The following TTC6 variants were observed in gnomAD, a reference collection of about 807,000 sequenced individuals.
TTC6 encodes tetratricopeptide repeat protein 6.
Under a neutral mutation model 210.4 loss-of-function variants are expected in TTC6, and 172 were observed. The ratio of observed to expected loss-of-function variants is 0.82; its 90% confidence interval spans 0.72 to 0.93. TTC6 has a LOEUF of 0.93. Among genes scored for constraint, TTC6 ranks in the 40% least tolerant of loss-of-function variants. The probability of loss-of-function intolerance (pLI) is 0.00; values close to 1 mark genes in which losing one functional copy is unlikely to be tolerated. For missense variants in TTC6, 2,414 were observed against 2,318.1 expected, an observed-to-expected ratio of 1.04 and a Z score of -0.85; for synonymous variants, 804 against 819.6, an observed-to-expected ratio of 0.98 and a Z score of 0.32.
At chr14:37,688,588 GGAGAGAGAGAGA>G (rs142772632) in intron 3 of TTC6, among the ~76,000 whole-genome samples, 2 of 151,064 alleles carry the variant, frequency 1.3e-5, no homozygotes, top group Non-Finnish European at 3.0e-5. Context: ...TTGGCTCAGG[GGAGAGAGAGAGA>G]GAGAGAAAGA....
chr14:37,640,017 ATACC>A (rs2095688806), intron 1 of TTC6, among the ~76,000 whole-genome samples: 2 of 151,796 alleles, frequency 1.3e-5, no homozygotes, highest in South Asian at 4.1e-4. Flanking sequence ...CTTAAGGAAA[ATACC>A]TATTTCTTTA....
At chr14:37,787,889 CTG>C (rs3062823) in intron 15 of TTC6, among the ~76,000 whole-genome samples, 53,526 of 147,100 alleles carry the variant, frequency 0.36, 9,568 homozygotes, top group East Asian at 0.45. Flanking sequence ...GTGTGTGTGT[CTG>C]TGTGTGTGTG....
chr14:37,780,580 T>C (rs1450028231), intron 14 of TTC6, among the ~76,000 whole-genome samples: 1 of 152,200 alleles, frequency 6.6e-6, no homozygotes, highest in African/African-American at 2.4e-5. Context: ...AGACATGTTC[T>C]CATTTTCTTT....
intron 1 of TTC6, among the ~76,000 whole-genome samples, chr14:37,599,496 A>G (rs1260419594): frequency 1.3e-5 from 2 of 152,136 alleles, no homozygotes; most frequent in African/African-American, 4.8e-5. Context: ...TATTGAAGCA[A>G]ACAAACAAAA....
At chr14:37,677,175 A>G (rs1291917079) in intron 1 of TTC6, among the ~76,000 whole-genome samples, 3 of 152,016 alleles carry the variant, frequency 2.0e-5, no homozygotes, top group Non-Finnish European at 2.9e-5. Context: ...AACAATATTA[A>G]GTCTTTTAAT....
chr14:37,691,499 G>T (rs992722886), intron 3 of TTC6, among the ~76,000 whole-genome samples: 9 of 152,088 alleles, frequency 5.9e-5, no homozygotes, highest in African/African-American at 1.9e-4. Flanking sequence ...TGAAACAAAT[G>T]ATAATGGAAA....
intron 1 of TTC6, among the ~76,000 whole-genome samples, chr14:37,649,198 G>T (rs561646218): frequency 1.4e-4 from 21 of 152,168 alleles, no homozygotes; most frequent in Admixed American, 1.0e-3. Flanking sequence ...CTGTTCTCAG[G>T]CTAGTCTGGG....
chr14:37,655,614 C>T (rs541002856), intron 1 of TTC6, among the ~76,000 whole-genome samples: 47 of 152,138 alleles, frequency 3.1e-4, no homozygotes, highest in Admixed American at 2.4e-3. Flanking sequence ...CCTAACAGCT[C>T]CTCCCAGGCT....
Position 37,806,064 on chromosome 14 carries a change from A to G in TTC6, c.4165-297A>G, listed in dbSNP as rs553204141. ...ATGAAAAATAAATGTGCTGGTTGTG[A>G]TTTCTTTGAAGCAATGAAATCTGAA... On this transcript the variant is annotated intron_variant, in intron 21 of 30. Coordinates refer to ENST00000553443, the Ensembl canonical transcript of TTC6. 5.3e-5 allele frequency among the ~76,000 whole-genome samples: 8 copies of G among 152,278 alleles called. No individual in the cohort carries two copies. The East Asian group carries it at 1.5e-3, about 29-fold the overall frequency.
intron 1 of TTC6, among the ~76,000 whole-genome samples, chr14:37,601,496 A>C (rs2095615488): frequency 6.6e-6 from 1 of 152,160 alleles, no homozygotes; most frequent in Non-Finnish European, 1.5e-5. Context: ...TATCCATCAC[A>C]TCCAAAGTCC....
At chr14:37,749,923 T>A in intron 12 of TTC6, 80 bp downstream of exon 14, 1 of 994,316 alleles carries the variant, frequency 1.0e-6, no homozygotes, top group Non-Finnish European at 1.3e-6. Context: ...TAAGGATACA[T>A]AAATCAGTAG....
chr14:37,668,546 A>G (rs2095752558), intron 1 of TTC6, among the ~76,000 whole-genome samples: 1 of 151,842 alleles, frequency 6.6e-6, no homozygotes, highest in South Asian at 2.1e-4. Flanking sequence ...AGCAACCTGC[A>G]AGCTCTTGAG....
chr14:37,596,111 G>A (rs1460322232), intron 1 of TTC6, 103 bp downstream of exon 1: 1 of 152,110 alleles, frequency 6.6e-6, no homozygotes, highest in Non-Finnish European at 1.5e-5. Flanking sequence ...CCACAAAGAG[G>A]AAGAAACTGA....
intron 1 of TTC6, among the ~76,000 whole-genome samples, chr14:37,662,375 T>C (rs529844078): frequency 1.3e-5 from 2 of 152,326 alleles, no homozygotes; most frequent in South Asian, 4.1e-4. Context: ...ATGTTGACTT[T>C]TATTTAAGGC....
chr14:37,815,685 A>C (rs1022040761), intron 25 of TTC6, among the ~76,000 whole-genome samples: 6 of 152,178 alleles, frequency 3.9e-5, no homozygotes, highest in Admixed American at 1.3e-4. Flanking sequence ...AGTGTGAGAC[A>C]GCTAAATTCT....
chr14:37,620,992 G>A (rs146621385), upstream of TTC6, among the ~76,000 whole-genome samples: 543 of 152,280 alleles, frequency 3.6e-3, 4 homozygotes, highest in African/African-American at 0.013. Context: ...AAAATTTTGA[G>A]TGGTTTCCAG....
chr14:37,694,565 C>T (rs140069737), intron 3 of TTC6, among the ~76,000 whole-genome samples: 63 of 152,202 alleles, frequency 4.1e-4, no homozygotes, highest in Admixed American at 1.3e-3. Flanking sequence ...ACAGCAATCC[C>T]GCTGCTGGGT....
intron 4 of TTC6, among the ~76,000 whole-genome samples, 198 bp downstream of exon 6, chr14:37,697,033 G>A (rs2095816206): frequency 6.6e-6 from 1 of 151,986 alleles, no homozygotes; most frequent in Non-Finnish European, 1.5e-5. Context: ...TTCTTTTTCT[G>A]TTTTTGACAA....
chr14:37,738,723 A>G (rs1235046029), intron 9 of TTC6, 53 bp from the exon 12 acceptor site: 2 of 1,361,346 alleles, frequency 1.5e-6, no homozygotes, highest in Non-Finnish European at 1.9e-6. Context: ...TTTTGAATGC[A>G]TAGCAACTAA....
Sources: allele counts gnomAD v4.1 joint callset (sites outside exome capture counted in the v4.1 genomes callset), GRCh38; gene constraint gnomAD v4.1.1; transcripts MANE v1.5; gene names NCBI Gene and HGNC (gene_info 2026-07-23, HGNC 2026-07-21).